The following ATRX variants were observed in gnomAD, a reference collection of about 807,000 sequenced individuals.
The protein encoded by ATRX is chromatin remodeler ATRX.
In ATRX, 12 loss-of-function variants were observed where a neutral mutation model predicts 172.6. The ratio of observed to expected loss-of-function variants is 0.07; its 90% CI spans 0.04 to 0.11. The LOEUF (loss-of-function observed/expected upper bound fraction) is 0.11, where lower values mean the gene tolerates loss of function less well. Among genes scored for constraint, ATRX ranks in the 10% least tolerant of loss-of-function variants. The pLI is 1.00. For synonymous variants in ATRX, 674 were observed against 594.7 expected (o/e 1.13, Z -1.94); for missense variants, 1,368 against 1,767.4 (o/e 0.77, Z 4.05).
chrX:77,713,429 C>CA lies in ATRX; in HGVS notation c.133+3701dup, dbSNP rs1358656259. Reference sequence around the variant, plus strand: ...CCACTAAAAGGAATCAGAACTCTTGCAAAAAATAACTGATTGTAGGGCTGG... The same window carrying CA: ...CCACTAAAAGGAATCAGAACTCTTGCAAAAAAATAACTGATTGTAGGGCTGG... On this transcript the variant is annotated intron_variant, in intron 2 of 34. Transcript: ENST00000373344. Among the ~76,000 whole-genome samples the CA allele has an allele frequency of 2.7e-5, 3 of 110,847 alleles. No individual in the cohort carries two copies. The East Asian group carries it at 8.5e-4, about 31-fold the overall frequency.
chrX:77,538,507 C>T (rs1421201539), intron 30 of ATRX, among the ~76,000 whole-genome samples: 1 of 111,193 alleles, frequency 9.0e-6, no homozygotes, highest in Non-Finnish European at 1.9e-5. Flanking sequence ...TAAGAAATTA[C>T]GTATTGTGTA....
Position 77,786,152 on chromosome X carries a change from G to T in ATRX, c.-151C>A. 1 of 627,748 alleles carries T rather than the reference G, an allele frequency of 1.6e-6. No homozygotes were observed. The highest frequency in any genetic ancestry group is 2.4e-6 in the Non-Finnish European group (1 of 423,279). The allele number at this position is 627,748 out of a possible 1,213,427, so 51.7% of individuals were successfully genotyped here. ...CCACAGCTCAAAGGCCGCTACCACT[G>T]CCACCGCCGCAGGAGCCGCGGAAAC... On this transcript the variant is annotated 5_prime_UTR_variant, in exon 1 of 35. Transcript: ENST00000373344.
intron 5 of ATRX, among the ~76,000 whole-genome samples, chrX:77,695,244 A>G (rs2072127474): frequency 9.0e-6 from 1 of 110,749 alleles, no homozygotes; most frequent in South Asian, 3.8e-4. Flanking sequence ...TATCTCTACA[A>G]GCAAAATAAT....
At chrX:77,769,323 G>T (rs1557197855) in intron 1 of ATRX, among the ~76,000 whole-genome samples, 3 of 107,728 alleles carry the variant, frequency 2.8e-5, no homozygotes, top group Non-Finnish European at 5.8e-5. Flanking sequence ...TGTAGCCCAG[G>T]CCAGGCTGGA....
At chrX:77,547,617 A>G (rs2064295756) in intron 30 of ATRX, among the ~76,000 whole-genome samples, 2 of 111,866 alleles carry the variant, frequency 1.8e-5, no homozygotes, top group Non-Finnish European at 3.8e-5. Context: ...TCAGCTGGCT[A>G]TAAGGTAGAC....
At chrX:77,747,539 G>A (rs1315938986) in intron 1 of ATRX, among the ~76,000 whole-genome samples, 2 of 111,065 alleles carry the variant, frequency 1.8e-5, no homozygotes, top group African/African-American at 6.5e-5. Flanking sequence ...GGGGGCGGGG[G>A]ACTTAACCCA....
intron 19 of ATRX, among the ~76,000 whole-genome samples, chrX:77,624,033 G>A (rs1407614769): frequency 9.0e-6 from 1 of 111,555 alleles, no homozygotes; most frequent in African/African-American, 3.3e-5. Context: ...CTTCAACATA[G>A]TACTGGAAGT....
At chrX:77,601,715 C>T (rs1186981694) in intron 22 of ATRX, among the ~76,000 whole-genome samples, 3 of 111,476 alleles carry the variant, frequency 2.7e-5, no homozygotes, top group Admixed American at 9.6e-5. Context: ...TTCCTATCCA[C>T]GGTTTTAAAC....
At chrX:77,550,145 T>C (rs2064421599) in intron 30 of ATRX, among the ~76,000 whole-genome samples, 1 of 111,908 alleles carries the variant, frequency 8.9e-6, no homozygotes, top group South Asian at 3.7e-4. Flanking sequence ...TCAATTTTAC[T>C]GCTTGAAAAG....
intron 22 of ATRX, among the ~76,000 whole-genome samples, chrX:77,611,711 A>G (rs1230536822): frequency 9.0e-6 from 1 of 111,103 alleles, no homozygotes; most frequent in African/African-American, 3.3e-5. Flanking sequence ...AAATGTTTAA[A>G]TAAATATTTT....
At chrX:77,516,250 T>G (rs1557039067) in intron 34 of ATRX, among the ~76,000 whole-genome samples, 1 of 111,471 alleles carries the variant, frequency 9.0e-6, no homozygotes. Flanking sequence ...AGAATAACAG[T>G]GAATATAAAT....
At chrX:77,587,041 C>T (rs2066051629) in intron 27 of ATRX, among the ~76,000 whole-genome samples, 1 of 106,554 alleles carries the variant, frequency 9.4e-6, no homozygotes, top group African/African-American at 3.4e-5. Flanking sequence ...GGTGACAGAG[C>T]AAGACCCTGT....
chrX:77,533,448 C>T (rs1370502500), intron 30 of ATRX, among the ~76,000 whole-genome samples: 1 of 112,185 alleles, frequency 8.9e-6, no homozygotes, highest in Non-Finnish European at 1.9e-5. Flanking sequence ...ACACACTATG[C>T]AGCCATAAAA....
At position 77,523,345 on chromosome X, in the gene ATRX, A is replaced by G; in HGVS notation, c.6756T>C (p.His2252=). The G allele has an allele frequency of 1.7e-6, 2 of 1,209,247 alleles. No individual in the cohort carries two copies. The highest frequency in any genetic ancestry group is 2.2e-6 in the Non-Finnish European group (2 of 893,453). The part of the protein sequence containing the change: ...QIHKEHIVGY[H]EHDSLLDHKE... ...TGTGGTCCAAAAGAGAATCATGTTC[A>G]TGGTATCCTACAATGTGTTCTTTAT... The change falls in exon 31 of 35, where the codon CAT becomes CAC. Residue 2252 remains histidine (H), a synonymous_variant. Coordinates refer to ENST00000373344, the MANE Select transcript of ATRX (RefSeq NM_000489.6).
intron 2 of ATRX, among the ~76,000 whole-genome samples, chrX:77,710,301 T>TA (rs781803603): frequency 0.017 from 1,290 of 74,123 alleles, 7 homozygotes; most frequent in African/African-American, 0.04. Flanking sequence ...TCCATTTCAA[T>TA]AAAAAAAAAA....
rs782057275 is a variant in ATRX at position 77,682,659 on chromosome X, T to G, written c.2597A>C (p.Lys866Thr). The G allele has an allele frequency of 8.3e-7, 1 of 1,207,554 alleles. No homozygotes were observed. Among genetic ancestry groups the G allele is most frequent in the African/African-American group, 1.8e-5 (1 of 57,123 alleles). The change falls in exon 9 of 35, where the codon AAA (lysine) becomes ACA (threonine). Residue 866 changes from lysine (K) to threonine (T), a missense_variant. Lys to Thr is a moderately conservative substitution (Grantham distance 78). Around this residue, in one of 17 missense-constraint regions of ATRX, gnomAD observed 843 missense variants for 643.1 expected, o/e 1.31. Coordinates refer to ENST00000373344, the MANE Select transcript of ATRX (RefSeq NM_000489.6). ...TCCTTCTTGTGAGGTCTTCAAATTT[T>G]TGTGCCCTTGATTATCCATTCCTTT... Reference protein sequence around the residue: ...SKKGMDNQGHKNLKTSQEGSS... With the variant: ...SKKGMDNQGHTNLKTSQEGSS...
In ATRX at chrX:77,746,357, G is replaced by A. The variant is rs1378505383; in HGVS notation, c.21-29114C>T. On this transcript the variant is annotated intron_variant, in intron 1 of 34. Transcript: ENST00000373344. ...TCCTTTGAGAATGTTTAGAAATGAAGCATAAAACCCTCTTTTCATTAATTA... is the reference window on the plus strand; with the variant it reads ...TCCTTTGAGAATGTTTAGAAATGAAACATAAAACCCTCTTTTCATTAATTA... Among the ~76,000 whole-genome samples, 3 of 111,098 alleles carry A rather than the reference G, an allele frequency of 2.7e-5. No homozygotes were observed. In the East Asian group the frequency reaches 8.5e-4, roughly 31 times the overall value.
chrX:77,583,604 G>T (rs1379414956), intron 27 of ATRX, among the ~76,000 whole-genome samples: 1 of 110,652 alleles, frequency 9.0e-6, no homozygotes, highest in African/African-American at 3.3e-5. Context: ...ATCCCTTTAT[G>T]AAAAAACACT....
intron 22 of ATRX, among the ~76,000 whole-genome samples, chrX:77,608,157 G>A (rs782505294): frequency 1.2e-3 from 132 of 109,242 alleles, no homozygotes; most frequent in Non-Finnish European, 2.0e-3. Context: ...CGAGGCAGGC[G>A]GATCATGAGG....
Sources: gnomAD v4.1 joint callset for allele counts (sites outside exome capture counted in the v4.1 genomes callset) on GRCh38, gnomAD v4.1.1 for gene constraint, gnomAD v4.1.1 regional missense constraint, MANE v1.5 for transcripts, NCBI Gene and HGNC (gene_info 2026-07-23, HGNC 2026-07-21) for gene names.